Variants in ADORA2B observed in about 807,000 individuals in gnomAD.
ADORA2B encodes the protein adenosine receptor A2b.
A neutral mutation model predicts 20.8 loss-of-function variants in ADORA2B; 18 were observed. That is an observed-to-expected ratio of 0.87 (90% CI 0.60 to 1.29). The LOEUF (loss-of-function observed/expected upper bound fraction) is 1.29. ADORA2B is among the 50% of genes most tolerant of loss of function. ADORA2B has a pLI of 0.00. For synonymous variants in ADORA2B, 179 were observed against 178.3 expected, an observed-to-expected ratio of 1.00 and a Z score of -0.03; for missense variants, 441 against 422.7, an observed-to-expected ratio of 1.04 and a Z score of -0.38.
intron 1 of ADORA2B, among the ~76,000 whole-genome samples, chr17:15,973,139 C>T (rs1970208378): frequency 6.6e-6 from 1 of 152,160 alleles, no homozygotes; most frequent in Non-Finnish European, 1.5e-5. Flanking sequence ...TGATTCTGCC[C>T]ATAGTCCTAG....
the ADORA2B span, among the ~76,000 whole-genome samples, chr17:15,890,498 T>TTATG: frequency 1.3e-5 from 2 of 151,702 alleles, no homozygotes; most frequent in East Asian, 3.9e-4. Context: ...ATTTATTTAT[T>TTATG]TTTTGTATTT....
At chr17:15,947,394 A>G (rs988027896) in intron 1 of ADORA2B, among the ~76,000 whole-genome samples, 8 of 152,236 alleles carry the variant, frequency 5.3e-5, no homozygotes, top group Admixed American at 3.9e-4. Context: ...AAGTTCCATG[A>G]AAGTTTAAAT....
chr17:15,967,919 G>A (rs1970141518), intron 1 of ADORA2B, among the ~76,000 whole-genome samples: 1 of 152,180 alleles, frequency 6.6e-6, no homozygotes, highest in African/African-American at 2.4e-5. Context: ...CAGACTGACA[G>A]GCTGAATGGG....
At chr17:15,925,184 T>C in the ADORA2B span, among the ~76,000 whole-genome samples, 117 of 152,202 alleles carry the variant, frequency 7.7e-4, 1 homozygote, top group East Asian at 0.016. Context: ...TATAGGCGCC[T>C]GCCACCATGC....
the ADORA2B span, among the ~76,000 whole-genome samples, chr17:15,939,562 C>T: frequency 6.6e-6 from 1 of 152,040 alleles, no homozygotes; most frequent in Non-Finnish European, 1.5e-5. Context: ...TAATGCAGAG[C>T]ATAAAGAAGT....
At chr17:15,957,657 G>A (rs186221555) in intron 1 of ADORA2B, among the ~76,000 whole-genome samples, 2 of 152,204 alleles carry the variant, frequency 1.3e-5, no homozygotes, top group East Asian at 3.9e-4. Context: ...GTCGAGTCTT[G>A]GGGAGTCTGG....
At chr17:15,888,145 A>G in the ADORA2B span, among the ~76,000 whole-genome samples, 1 of 128,250 alleles carries the variant, frequency 7.8e-6, no homozygotes, top group Non-Finnish European at 1.6e-5. Flanking sequence ...TTCAACCACC[A>G]TAGACATGTG....
Position 15,945,400 on chromosome 17 carries a change from C to T in ADORA2B, c.152C>T (p.Ala51Val), listed in dbSNP as rs1332737278. The T allele has an allele frequency of 2.5e-6, 4 of 1,613,236 alleles. No individual in the cohort carries two copies. The highest frequency in any genetic ancestry group is 1.3e-5 in the African/African-American group (1 of 74,950). ...AACTACTTCCTGGTGTCCCTGGCTG[C>T]GGCCGACGTGGCCGTGGGGCTCTTC... ...PTNYFLVSLA[A>V]ADVAVGLFAI... Residue 51 changes from alanine (A) to valine (V), a missense_variant, in exon 1 of 2, where the codon GCG becomes GTG. Physicochemically the swap from Ala to Val is moderately conservative, Grantham distance 64. Transcript: ENST00000304222.
At chr17:15,867,982 T>C in the ADORA2B span, among the ~76,000 whole-genome samples, 4 of 150,892 alleles carry the variant, frequency 2.7e-5, no homozygotes, top group Non-Finnish European at 5.9e-5. Context: ...CGTGTCTGTG[T>C]AGAAAGAGGT....
chr17:15,891,687 C>T, the ADORA2B span, among the ~76,000 whole-genome samples: 1 of 147,186 alleles, frequency 6.8e-6, no homozygotes, highest in African/African-American at 2.5e-5. Flanking sequence ...CACTTTCTCT[C>T]TTTTTTTTTT....
At chr17:15,869,331 A>T in the ADORA2B span, among the ~76,000 whole-genome samples, 1 of 149,696 alleles carries the variant, frequency 6.7e-6, no homozygotes, top group Non-Finnish European at 1.5e-5. Context: ...AATAATAATA[A>T]TAATAATAAT....
intron 1 of ADORA2B, among the ~76,000 whole-genome samples, chr17:15,956,225 C>T (rs1309604201): frequency 1.3e-5 from 2 of 152,204 alleles, no homozygotes; most frequent in African/African-American, 4.8e-5. Flanking sequence ...TTTAGATTCA[C>T]ATGGTTGAGA....
rs774301356 is a variant in ADORA2B, at chr17:15,964,609, C to CT, written c.336-10069dup. 1.3e-3 allele frequency among the ~76,000 whole-genome samples: 176 copies of CT among 130,692 alleles called. No homozygotes were observed. The Middle Eastern group carries it at 0.035, about 26-fold the overall frequency. The allele number at this position is 130,692 out of a possible 152,430, so 85.7% of individuals were successfully genotyped here. Reference sequence around the variant, plus strand: ...CAGTCTGGGCGACAAGAGCAAGACTCTGTCTCAAAAAAAAAAAAAAAAAGA... The same window carrying CT: ...CAGTCTGGGCGACAAGAGCAAGACTCTTGTCTCAAAAAAAAAAAAAAAAAGA... On this transcript the variant is annotated intron_variant, in intron 1 of 1. Transcript: ENST00000304222.
At chr17:15,866,787 A>G in the ADORA2B span, among the ~76,000 whole-genome samples, 1 of 146,212 alleles carries the variant, frequency 6.8e-6, no homozygotes, top group Admixed American at 6.7e-5. Flanking sequence ...ATGCCGAGCC[A>G]AAGCTGGACC....
the ADORA2B span, among the ~76,000 whole-genome samples, chr17:15,903,939 G>A: frequency 6.6e-6 from 1 of 151,930 alleles, no homozygotes; most frequent in African/African-American, 2.4e-5. Flanking sequence ...ATCTTCTTTG[G>A]TCAAGTCACT....
At chr17:15,874,297 A>G in the ADORA2B span, among the ~76,000 whole-genome samples, 14 of 152,020 alleles carry the variant, frequency 9.2e-5, no homozygotes, top group East Asian at 1.9e-4. Flanking sequence ...ACAGAGTGGT[A>G]TGGTAGACTT....
chr17:15,936,779 G>A, the ADORA2B span, among the ~76,000 whole-genome samples: 1 of 152,086 alleles, frequency 6.6e-6, no homozygotes, highest in Non-Finnish European at 1.5e-5. Flanking sequence ...AACAAAATGA[G>A]ACCCCATCTC....
At chr17:15,852,778 G>T in the ADORA2B span, among the ~76,000 whole-genome samples, 1 of 152,090 alleles carries the variant, frequency 6.6e-6, no homozygotes. Flanking sequence ...GAGGCTTAAG[G>T]AACTAAAGAC....
At chr17:15,880,631 T>G in the ADORA2B span, among the ~76,000 whole-genome samples, 1 of 149,390 alleles carries the variant, frequency 6.7e-6, no homozygotes, top group Admixed American at 6.6e-5. Context: ...CCTACAAGGG[T>G]GAGGGCGGTG....
Sources: allele counts gnomAD v4.1 joint callset (sites outside exome capture counted in the v4.1 genomes callset), GRCh38; gene constraint gnomAD v4.1.1; transcripts MANE v1.5; gene names NCBI Gene and HGNC (gene_info 2026-07-23, HGNC 2026-07-21).